USP31: variants seen among roughly 807,000 people sequenced by gnomAD.
The protein encoded by USP31 is ubiquitin carboxyl-terminal hydrolase 31.
USP31 carries 44 observed loss-of-function variants against 119.4 expected under a neutral mutation model. That is an observed-to-expected ratio of 0.37 (90% CI 0.29 to 0.47). The LOEUF (loss-of-function observed/expected upper bound fraction) is 0.47, where lower values mean the gene tolerates loss of function less well. Among genes scored for constraint, USP31 ranks in the 20% least tolerant of loss-of-function variants. USP31 has a pLI of 0.99. For synonymous variants in USP31, 749 were observed against 705.6 expected, an observed-to-expected ratio of 1.06 and a Z score of -0.97; for missense variants, 1,643 against 1,730.2, an observed-to-expected ratio of 0.95 and a Z score of 0.89.
At chr16:23,097,631 C>A (rs1462009404) in intron 6 of USP31, among the ~76,000 whole-genome samples, 1 of 152,190 alleles carries the variant, frequency 6.6e-6, no homozygotes, top group Admixed American at 6.5e-5. Flanking sequence ...CCACTATGAT[C>A]AAGTTGGCTT....
chr16:23,073,373 C>T (rs138251415), intron 14 of USP31, among the ~76,000 whole-genome samples: 24 of 152,300 alleles, frequency 1.6e-4, no homozygotes, highest in African/African-American at 4.8e-4. Flanking sequence ...TAGATGATTG[C>T]TATGTGGCCC....
At chr16:23,091,000 T>C (rs1350849624) in intron 6 of USP31, among the ~76,000 whole-genome samples, 196 bp from the exon 7 acceptor site, 1 of 152,218 alleles carries the variant, frequency 6.6e-6, no homozygotes, top group Non-Finnish European at 1.5e-5. Context: ...CCATTATTAT[T>C]TCCTTTAAAC....
intron 7 of USP31, among the ~76,000 whole-genome samples, chr16:23,090,164 C>T (rs1016999171): frequency 6.6e-6 from 1 of 152,126 alleles, no homozygotes; most frequent in Non-Finnish European, 1.5e-5. Flanking sequence ...GCGGGCGGAT[C>T]GTCTGAGGTC....
At chr16:23,083,695 CGGGGGGGG>C (rs11311505) in intron 11 of USP31, among the ~76,000 whole-genome samples, 1 of 37,882 alleles carries the variant, frequency 2.6e-5, no homozygotes, top group Non-Finnish European at 4.6e-5. Flanking sequence ...GCAAACCTGG[CGGGGGGGG>C]GGGGGGGGAA....
At chr16:23,114,097 C>T (rs954743679) in intron 1 of USP31, among the ~76,000 whole-genome samples, 3 of 150,344 alleles carry the variant, frequency 2.0e-5, no homozygotes, top group Non-Finnish European at 4.4e-5. Flanking sequence ...AGAGCAAGAC[C>T]CTTACTCAAA....
rs1900148827 is a variant in USP31, at chr16:23,067,929, AGT to A, written c.*115_*116del. Reference sequence around the variant, plus strand: ...CGCATACACTCACACACACACACACAGTCGGGCACGTGACTCAAAAAAGTACA... The same window carrying A: ...CGCATACACTCACACACACACACACACGGGCACGTGACTCAAAAAAGTACA... On this transcript the variant is annotated 3_prime_UTR_variant, in exon 16 of 16. Transcript: ENST00000219689. 7.7e-7 allele frequency: 1 copy of A among 1,303,280 alleles called. No homozygotes were observed. The highest frequency in any genetic ancestry group is 1.0e-6 in the Non-Finnish European group (1 of 958,018). 80.7% of individuals were successfully genotyped at this position (1,303,280 alleles called of 1,614,324 possible).
At position 23,098,121 on chromosome 16, in the gene USP31, A is replaced by G. The variant is rs531135062; in HGVS notation, c.1234+4198T>C. Among the ~76,000 whole-genome samples, 608 of 152,006 alleles carry G rather than the reference A, an allele frequency of 4.0e-3. 7 individuals are homozygous for G. The highest frequency in any genetic ancestry group is 0.013 in the African/African-American group (553 of 41,384). ...CCTTAAACTGATAAGCAACTTCAGC[A>G]AAGTCTCAGGATACAAAATCAATGT... On this transcript the variant is annotated intron_variant, in intron 6 of 15. Coordinates refer to ENST00000219689, the MANE Select transcript of USP31 (RefSeq NM_020718.4).
At chr16:23,139,003 A>T (rs1242487160) in intron 1 of USP31, among the ~76,000 whole-genome samples, 1 of 152,252 alleles carries the variant, frequency 6.6e-6, no homozygotes, top group Admixed American at 6.5e-5. Flanking sequence ...AGTGCCTTCT[A>T]ATGCAGGACC....
intron 1 of USP31, among the ~76,000 whole-genome samples, chr16:23,112,121 T>C (rs1250467914): frequency 1.3e-5 from 2 of 152,128 alleles, no homozygotes; most frequent in Non-Finnish European, 2.9e-5. Flanking sequence ...CAACAAAGTT[T>C]CAAATACCTG....
At chr16:23,133,185 T>C (rs1479764814) in intron 1 of USP31, among the ~76,000 whole-genome samples, 1 of 152,196 alleles carries the variant, frequency 6.6e-6, no homozygotes, top group Non-Finnish European at 1.5e-5. Context: ...CATTTCCTTT[T>C]CTAATTTCTC....
At chr16:23,077,989 A>C (rs1900653506) in intron 13 of USP31, among the ~76,000 whole-genome samples, 1 of 152,194 alleles carries the variant, frequency 6.6e-6, no homozygotes, top group African/African-American at 2.4e-5. Context: ...AACATTAGAG[A>C]TCTATCAACA....
intron 1 of USP31, among the ~76,000 whole-genome samples, chr16:23,117,543 G>A (rs1052784242): frequency 2.0e-5 from 3 of 152,186 alleles, no homozygotes; most frequent in Admixed American, 2.0e-4. Context: ...AATAGTGAAA[G>A]GAATATCCTA....
At chr16:23,070,195 T>C (rs1476388837) in intron 15 of USP31, among the ~76,000 whole-genome samples, 1 of 152,184 alleles carries the variant, frequency 6.6e-6, no homozygotes, top group Non-Finnish European at 1.5e-5. Flanking sequence ...ATTACCTTCC[T>C]GAAGGTGATC....
At chr16:23,130,406 T>G (rs951586388) in intron 1 of USP31, among the ~76,000 whole-genome samples, 1 of 134,012 alleles carries the variant, frequency 7.5e-6, no homozygotes, top group Non-Finnish European at 1.6e-5. Flanking sequence ...GTCAACAAAG[T>G]GACACCCCCC....
At chr16:23,076,244 C>T (rs1475224428) in intron 13 of USP31, among the ~76,000 whole-genome samples, 2 of 150,218 alleles carry the variant, frequency 1.3e-5, no homozygotes, top group South Asian at 2.1e-4. Flanking sequence ...AAGTAACCAA[C>T]CTGCACATCC....
intron 1 of USP31, among the ~76,000 whole-genome samples, chr16:23,126,346 T>C: frequency 7.3e-6 from 1 of 136,694 alleles, no homozygotes; most frequent in African/African-American, 2.7e-5. Flanking sequence ...AAAAAAAGGC[T>C]GGGCGTAGTG....
chr16:23,114,572 G>A lies in USP31; in HGVS notation c.634-6389C>T, dbSNP rs143841737. Among the ~76,000 whole-genome samples, 347 of 152,274 alleles carry A rather than the reference G, an allele frequency of 2.3e-3. 3 individuals carry two copies. The highest frequency in any genetic ancestry group is 7.7e-3 in the African/African-American group (321 of 41,534). ...ACACAGCATCCATTCAGATTTCAGG[G>A]TGGAGACTACGTTCAATTATCAAGA... On this transcript the variant is annotated intron_variant, in intron 1 of 15. Coordinates refer to ENST00000219689, the MANE Select transcript of USP31 (RefSeq NM_020718.4).
chr16:23,108,226 G>A (rs752431649), intron 1 of USP31, 43 bp from the exon 2 acceptor site: 56 of 1,550,614 alleles, frequency 3.6e-5, no homozygotes, highest in Middle Eastern at 3.4e-4. Context: ...GTGAGTTCCT[G>A]GCTTTAAAGA....
rs1903622665 is a variant in USP31, at chr16:23,148,954, G to C, written c.317C>G (p.Pro106Arg). Residue 106 changes from proline to arginine, a missense_variant, in exon 1 of 16, where the codon CCG (proline) becomes CGG (arginine). Pro to Arg is a moderately radical substitution (Grantham distance 103). Around this residue, in one of 5 missense-constraint regions of USP31, gnomAD observed 302 missense variants for 262.6 expected, o/e 1.15. Transcript: ENST00000219689. ...GGGAGAGGCGGGCGGCGGCGGGCAC[G>C]GCGGCGGCGTGGGCGCGGCGGCCGG... ...PGPAAAPTPP[P>R]CPPPPASPAP... The C allele has an allele frequency of 1.9e-6, 2 of 1,038,460 alleles. No individual in the cohort carries two copies. Among genetic ancestry groups the C allele is most frequent in the Non-Finnish European group, 2.3e-6 (2 of 862,394 alleles). The allele number at this position is 1,038,460 out of a possible 1,614,324, so 64.3% of individuals were successfully genotyped here.
Sources: allele counts gnomAD v4.1 joint callset (sites outside exome capture counted in the v4.1 genomes callset), GRCh38; gene constraint gnomAD v4.1.1; regional missense constraint gnomAD v4.1.1; transcripts MANE v1.5; gene names NCBI Gene and HGNC (gene_info 2026-07-23, HGNC 2026-07-21).